The following IQSEC1 variants were observed in gnomAD, a reference collection of about 807,000 sequenced individuals.
IQSEC1 encodes the protein IQ motif and SEC7 domain-containing protein 1.
Under a neutral mutation model 91.0 loss-of-function variants are expected in IQSEC1, and 31 were observed. The ratio of observed to expected loss-of-function variants is 0.34; its 90% CI spans 0.26 to 0.46. The LOEUF is 0.46. Ranked by LOEUF, IQSEC1 falls within the 20% of genes least tolerant of loss-of-function variation. The pLI is 1.00. For missense variants in IQSEC1, 1,388 were observed against 1,575.6 expected, an observed-to-expected ratio of 0.88 and a Z score of 2.02; for synonymous variants, 699 against 662.6, an observed-to-expected ratio of 1.05 and a Z score of -0.84.
In IQSEC1 at chr3:12,900,155, TTAA is replaced by T. The variant is rs1012397846; in HGVS notation, c.*825_*827del. 1.7e-5 allele frequency: 16 copies of T among 969,622 alleles called. No individual in the cohort carries two copies. Among genetic ancestry groups the T allele is most frequent in the Non-Finnish European group, 2.0e-5 (16 of 815,734 alleles). 60.1% of individuals were successfully genotyped at this position (969,622 alleles called of 1,614,324 possible). ...TAATACTATTTATGATAGTATTCTGTTAATAAAATAAGGATTTATACAAAGCAA... is the reference window on the plus strand; with the variant it reads ...TAATACTATTTATGATAGTATTCTGTTAAAATAAGGATTTATACAAAGCAA... On this transcript the variant is annotated 3_prime_UTR_variant, in exon 14 of 14. Transcript: ENST00000613206.
At chr3:13,010,487 G>A (rs970706634) in intron 1 of IQSEC1, among the ~76,000 whole-genome samples, 10 of 152,140 alleles carry the variant, frequency 6.6e-5, no homozygotes, top group Non-Finnish European at 1.2e-4. Flanking sequence ...GACAAATGTC[G>A]ACCTGGAGCT....
intron 2 of IQSEC1, among the ~76,000 whole-genome samples, chr3:13,084,362 T>G (rs973955899): frequency 2.0e-5 from 3 of 152,200 alleles, no homozygotes; most frequent in Non-Finnish European, 4.4e-5. Context: ...TCAAAGCCTG[T>G]GTCCGGATGC....
At chr3:12,989,148 T>C (rs896132544) in intron 1 of IQSEC1, among the ~76,000 whole-genome samples, 2 of 152,244 alleles carry the variant, frequency 1.3e-5, no homozygotes, top group Non-Finnish European at 2.9e-5. Context: ...TCCAAAATTA[T>C]TTTGTTTGCT....
At chr3:12,986,460 C>T (rs1017553269) in intron 1 of IQSEC1, among the ~76,000 whole-genome samples, 5 of 152,250 alleles carry the variant, frequency 3.3e-5, no homozygotes, top group Non-Finnish European at 5.9e-5. Flanking sequence ...GCCTCAGTTT[C>T]CTCATCTATG....
At chr3:13,170,568 G>A (rs994533071) in intron 1 of IQSEC1, among the ~76,000 whole-genome samples, 10 of 152,234 alleles carry the variant, frequency 6.6e-5, no homozygotes, top group African/African-American at 1.7e-4. Context: ...GAGGGAGGCT[G>A]TACCCTGCAA....
In IQSEC1 at chr3:13,073,161, C is replaced by A; in HGVS notation, c.-147G>T. ...GAGTCACATTCCCGGGGGTGGCGGGCTCCTCCAGGGAGGCTGGGGCGGGAG... is the reference window on the plus strand; with the variant it reads ...GAGTCACATTCCCGGGGGTGGCGGGATCCTCCAGGGAGGCTGGGGCGGGAG... On this transcript the variant is annotated 5_prime_UTR_variant, in exon 1 of 14. Transcript: ENST00000613206. 2 of 898,660 alleles carry A rather than the reference C, an allele frequency of 2.2e-6. No individual in the cohort carries two copies. The highest frequency in any genetic ancestry group is 1.7e-5 in the African/African-American group (1 of 59,864). 55.7% of individuals were successfully genotyped at this position (898,660 alleles called of 1,614,324 possible). A position where few individuals can be genotyped will look rare whatever the true frequency, so the allele number is the denominator to read the frequency against.
At chr3:13,224,820 T>C (rs1334793445) in intron 1 of IQSEC1, among the ~76,000 whole-genome samples, 2 of 152,242 alleles carry the variant, frequency 1.3e-5, no homozygotes, top group Non-Finnish European at 2.9e-5. Context: ...CAGGCAGGTA[T>C]GGGAGCTGCC....
At chr3:13,220,981 G>C (rs550360419) in intron 1 of IQSEC1, among the ~76,000 whole-genome samples, 1 of 152,386 alleles carries the variant, frequency 6.6e-6, no homozygotes, top group South Asian at 2.1e-4. Context: ...CTCATCCATG[G>C]TTGGGGAAAC....
chr3:12,989,539 G>C (rs1477101565), intron 1 of IQSEC1, among the ~76,000 whole-genome samples: 5 of 152,200 alleles, frequency 3.3e-5, no homozygotes, highest in Non-Finnish European at 7.4e-5. Context: ...GAAGCTGACA[G>C]CTGGAATTCG....
At chr3:13,042,935 C>T (rs1183269628) in intron 1 of IQSEC1, among the ~76,000 whole-genome samples, 2 of 152,096 alleles carry the variant, frequency 1.3e-5, no homozygotes, top group South Asian at 2.1e-4. Flanking sequence ...TTACGTTTGG[C>T]GGAATCCCTG....
intron 1 of IQSEC1, among the ~76,000 whole-genome samples, chr3:13,249,455 A>G (rs988027873): frequency 6.6e-6 from 1 of 151,972 alleles, no homozygotes; most frequent in African/African-American, 2.4e-5. Context: ...TACAAGCGTG[A>G]GCCACCTTGC....
chr3:13,034,001 C>T (rs1476994854), intron 1 of IQSEC1, among the ~76,000 whole-genome samples: 1 of 152,312 alleles, frequency 6.6e-6, no homozygotes, highest in South Asian at 2.1e-4. Flanking sequence ...TATAAGGGTG[C>T]CAGTCAGACT....
intron 1 of IQSEC1, among the ~76,000 whole-genome samples, chr3:13,168,632 G>A (rs180847923): frequency 8.9e-4 from 136 of 152,160 alleles, no homozygotes; most frequent in Admixed American, 2.0e-3. Context: ...GTTTCCCCTC[G>A]GCTCCCCACT....
intron 1 of IQSEC1, among the ~76,000 whole-genome samples, chr3:13,005,009 T>C (rs998301459): frequency 3.3e-5 from 5 of 152,182 alleles, no homozygotes; most frequent in African/African-American, 1.2e-4. Flanking sequence ...ACAAATACTA[T>C]GTTTCACACG....
rs150126872 is a variant in IQSEC1 at position 13,022,388 on chromosome 3, A to G, written c.23+50604T>C. On this transcript the variant is annotated intron_variant, in intron 1 of 13. Coordinates refer to ENST00000613206, the MANE Select transcript of IQSEC1 (RefSeq NM_001134382.3). Reference sequence around the variant, plus strand: ...CCTCCTGGCCAAGCGGCCCTCACACACTAGACCCTGTGGCTTCTGCACAAC... The same window carrying G: ...CCTCCTGGCCAAGCGGCCCTCACACGCTAGACCCTGTGGCTTCTGCACAAC... 6.0e-3 allele frequency: 6,745 copies of G among 1,124,394 alleles called. 30 individuals are homozygous for G. The highest frequency in any genetic ancestry group is 6.9e-3 in the Non-Finnish European group (6,338 of 919,890). The allele number at this position is 1,124,394 out of a possible 1,614,324, so 69.7% of individuals were successfully genotyped here. A position where few individuals can be genotyped will look rare whatever the true frequency, so the allele number is the denominator to read the frequency against.
At chr3:13,047,417 G>A in intron 1 of IQSEC1, 1 of 909,444 alleles carries the variant, frequency 1.1e-6, no homozygotes, top group Non-Finnish European at 1.3e-6. Flanking sequence ...TCTGGGTGCA[G>A]ATGGGCAGTG....
At chr3:13,030,125 T>G (rs1703789367) in intron 1 of IQSEC1, among the ~76,000 whole-genome samples, 2 of 152,184 alleles carry the variant, frequency 1.3e-5, no homozygotes. Context: ...TTTTATACAG[T>G]CTAACTCTGT....
intron 1 of IQSEC1, among the ~76,000 whole-genome samples, chr3:13,020,240 T>C (rs1182960287): frequency 6.6e-6 from 1 of 152,254 alleles, no homozygotes; most frequent in Non-Finnish European, 1.5e-5. Context: ...AGGAGGTCTA[T>C]CCCGGGGTCT....
chr3:13,090,675 C>T (rs891928596), intron 2 of IQSEC1, among the ~76,000 whole-genome samples: 3 of 152,208 alleles, frequency 2.0e-5, no homozygotes, highest in Admixed American at 2.0e-4. Context: ...AGAGCCCCTT[C>T]TCCCTCCCCA....
Sources: gnomAD v4.1 joint callset for allele counts (sites outside exome capture counted in the v4.1 genomes callset) on GRCh38, gnomAD v4.1.1 for gene constraint, MANE v1.5 for transcripts, NCBI Gene and HGNC (gene_info 2026-07-23, HGNC 2026-07-21) for gene names.